Variants in PICALM observed in about 807,000 individuals in gnomAD.
PICALM encodes phosphatidylinositol-binding clathrin assembly protein.
PICALM carries 40 observed loss-of-function variants against 80.5 expected under a neutral mutation model. The observed-to-expected ratio is 0.50, with a 90% CI of 0.39 to 0.65. The LOEUF (loss-of-function observed/expected upper bound fraction) is 0.65, where lower values mean the gene tolerates loss of function less well. Ranked by LOEUF, PICALM falls within the 30% of genes least tolerant of loss-of-function variation. PICALM has a pLI of 0.00. For synonymous variants in PICALM, 288 were observed against 260.3 expected (o/e 1.11, Z -1.02); for missense variants, 676 against 778.9 (o/e 0.87, Z 1.57).
intron 12 of PICALM, among the ~76,000 whole-genome samples, chr11:85,996,334 T>G (rs2094959510): frequency 6.6e-6 from 1 of 152,070 alleles, no homozygotes; most frequent in Non-Finnish European, 1.5e-5. Context: ...AAAAAAACAT[T>G]TAAAACATTT....
At position 86,012,382 on chromosome 11, in the gene PICALM, T is replaced by C. The variant is rs144544770; in HGVS notation, c.557A>G (p.Asn186Ser). Residue 186 changes from asparagine (N) to serine (S), a missense_variant, in exon 6 of 20, where the codon AAT becomes AGT. By Grantham distance (46) the Asn-to-Ser change is conservative. Coordinates refer to ENST00000393346, the MANE Select transcript of PICALM (RefSeq NM_007166.4). ...ATTTATTACCCCATTTGTAAGTTCA[T>C]TGCTATTAACCTAGGGAAAAATTGG... ...DALLDFNVNS[N>S]ELTNGVINAA... The C allele has an allele frequency of 1.2e-5, 19 of 1,597,812 alleles. No individual in the cohort carries two copies. Among genetic ancestry groups the C allele is most frequent in the African/African-American group, 5.4e-5 (4 of 74,738 alleles).
intron 2 of PICALM, among the ~76,000 whole-genome samples, chr11:86,029,125 T>G (rs1209466552): frequency 6.6e-6 from 1 of 152,068 alleles, no homozygotes; most frequent in Non-Finnish European, 1.5e-5. Context: ...AGGTGTGAGC[T>G]ACCTCACCCA....
chr11:85,989,477 TCTGAA>T (rs1285618807), intron 13 of PICALM, among the ~76,000 whole-genome samples: 4 of 152,188 alleles, frequency 2.6e-5, no homozygotes, highest in Non-Finnish European at 2.9e-5. Flanking sequence ...AAGCTGTTTC[TCTGAA>T]CTGAACAAAA....
intron 18 of PICALM, among the ~76,000 whole-genome samples, chr11:85,975,037 A>G (rs888058813): frequency 6.6e-6 from 1 of 152,182 alleles, no homozygotes; most frequent in Non-Finnish European, 1.5e-5. Context: ...ATGTAGTAAC[A>G]AAGCCTAACT....
intron 17 of PICALM, among the ~76,000 whole-genome samples, chr11:85,979,178 A>C (rs915325154): frequency 6.6e-6 from 1 of 152,200 alleles, no homozygotes; most frequent in South Asian, 2.1e-4. Context: ...TAAACTACTT[A>C]AATGCAAAGT....
intron 1 of PICALM, among the ~76,000 whole-genome samples, chr11:86,047,377 T>C (rs2096092214): frequency 6.6e-6 from 1 of 152,228 alleles, no homozygotes; most frequent in Non-Finnish European, 1.5e-5. Flanking sequence ...TGACAGACTA[T>C]GAGGAAAGCG....
intron 1 of PICALM, among the ~76,000 whole-genome samples, chr11:86,044,496 A>G (rs17745273): frequency 0.16 from 23,987 of 152,186 alleles, 2,440 homozygotes; most frequent in Middle Eastern, 0.24. Context: ...CAGACGGTGG[A>G]AATCTCATTT....
intron 7 of PICALM, among the ~76,000 whole-genome samples, chr11:86,008,700 A>G (rs543051526): frequency 6.6e-6 from 1 of 152,232 alleles, no homozygotes; most frequent in African/African-American, 2.4e-5. Flanking sequence ...TCCTCCTCAA[A>G]CATGTTTCAA....
In PICALM at chr11:85,970,166, T is replaced by C. The variant is rs78014588; in HGVS notation, c.1944+4542A>G. On this transcript the variant is annotated intron_variant, in intron 19 of 19. Transcript: ENST00000393346. ...GCTTGCCTTCATGAAGCTTATAATC[T>C]AGTAAAGAAAGCCCTTGCTAGACTG... Among the ~76,000 whole-genome samples, 6 of 152,262 alleles carry C rather than the reference T, an allele frequency of 3.9e-5. No homozygotes were observed. The East Asian group carries it at 1.2e-3, about 29-fold the overall frequency.
chr11:86,004,731 G>A (rs1023114520), intron 8 of PICALM, among the ~76,000 whole-genome samples: 6 of 152,008 alleles, frequency 3.9e-5, no homozygotes, highest in Admixed American at 3.9e-4. Flanking sequence ...TAGTTAAAGG[G>A]GCAATACCTG....
In PICALM at chr11:86,068,916, G is replaced by C. The variant is rs1053163862; in HGVS notation, c.-136C>G. 4 of 1,229,770 alleles carry C rather than the reference G, an allele frequency of 3.3e-6. No individual in the cohort carries two copies. Among genetic ancestry groups the C allele is most frequent in the Non-Finnish European group, 4.4e-6 (4 of 913,830 alleles). The allele number at this position is 1,229,770 out of a possible 1,614,324, so 76.2% of individuals were successfully genotyped here. Reference sequence around the variant, plus strand: ...TCCCCGCCTGCCGGCCTGGGGCGCGGTTCGGGGCCGCGCGCTGCCACCAGT... The same window carrying C: ...TCCCCGCCTGCCGGCCTGGGGCGCGCTTCGGGGCCGCGCGCTGCCACCAGT... On this transcript the variant is annotated 5_prime_UTR_variant, in exon 1 of 20. Coordinates refer to ENST00000393346, the MANE Select transcript of PICALM (RefSeq NM_007166.4).
intron 1 of PICALM, among the ~76,000 whole-genome samples, chr11:86,034,059 C>T (rs2095802124): frequency 6.6e-6 from 1 of 152,094 alleles, no homozygotes; most frequent in Non-Finnish European, 1.5e-5. Context: ...GCTTTTAGTA[C>T]TGATCACAGA....
chr11:86,011,282 G>A, intron 6 of PICALM, 146 bp from the exon 7 acceptor site: 2 of 540,262 alleles, frequency 3.7e-6, no homozygotes, highest in South Asian at 2.6e-5. Context: ...AGTTAGCTTA[G>A]GTATTTAAAG....
rs567837147 is a variant in PICALM at position 86,041,093 on chromosome 11, C to G, written c.131-9482G>C. ...AATAGTTACAGCACTTTTCACACTTCATTACAATTACTAGCTCATATATCA... is the reference window on the plus strand; with the variant it reads ...AATAGTTACAGCACTTTTCACACTTGATTACAATTACTAGCTCATATATCA... On this transcript the variant is annotated intron_variant, in intron 1 of 19. Transcript: ENST00000393346. 2.0e-5 allele frequency among the ~76,000 whole-genome samples: 3 copies of G among 152,304 alleles called. No homozygotes were observed. The East Asian group carries it at 5.8e-4, about 29-fold the overall frequency.
At chr11:85,999,542 T>C (rs1301025491) in intron 11 of PICALM, among the ~76,000 whole-genome samples, 1 of 152,138 alleles carries the variant, frequency 6.6e-6, no homozygotes. Flanking sequence ...TTAAAGAAGG[T>C]AGCATACATG....
chr11:85,982,723 G>A (rs1304240467), intron 14 of PICALM, among the ~76,000 whole-genome samples: 3 of 151,688 alleles, frequency 2.0e-5, no homozygotes, highest in Non-Finnish European at 2.9e-5. Flanking sequence ...CACCGCGCCC[G>A]GCCGAGACCT....
intron 18 of PICALM, among the ~76,000 whole-genome samples, 186 bp from the exon 19 acceptor site, chr11:85,974,998 G>A (rs983640963): frequency 3.9e-5 from 6 of 152,030 alleles, no homozygotes; most frequent in African/African-American, 1.4e-4. Flanking sequence ...CTTTTGGTAA[G>A]TAAAGTCTTT....
At chr11:85,980,477 G>C (rs1007748931) in intron 17 of PICALM, among the ~76,000 whole-genome samples, 1 of 152,132 alleles carries the variant, frequency 6.6e-6, no homozygotes, top group Non-Finnish European at 1.5e-5. Flanking sequence ...CCCCCAGCAA[G>C]GGTTCAGTGT....
chr11:86,016,415 C>T (rs2095482461), intron 4 of PICALM, among the ~76,000 whole-genome samples: 1 of 152,184 alleles, frequency 6.6e-6, no homozygotes, highest in East Asian at 1.9e-4. Flanking sequence ...ACTATTTGAC[C>T]TCATCAGAAA....
Sources: allele counts gnomAD v4.1 joint callset (sites outside exome capture counted in the v4.1 genomes callset), GRCh38; gene constraint gnomAD v4.1.1; transcripts MANE v1.5; gene names NCBI Gene and HGNC (gene_info 2026-07-23, HGNC 2026-07-21).